The following ADRA1A variants were observed in gnomAD, a reference collection of about 807,000 sequenced individuals.
ADRA1A encodes the protein alpha-1A adrenergic receptor.
ADRA1A carries 31 observed loss-of-function variants against 29.6 expected under a neutral mutation model. That is an observed-to-expected ratio of 1.05 (90% CI 0.79 to 1.41). The LOEUF is 1.41. Ranked by LOEUF, ADRA1A falls within the 40% of genes most tolerant of loss-of-function variation. The pLI is 0.00. For missense variants in ADRA1A, 619 were observed against 601.1 expected (o/e 1.03, Z -0.31); for synonymous variants, 311 against 254.3 (o/e 1.22, Z -2.12).
intron 2 of ADRA1A, among the ~76,000 whole-genome samples, chr8:26,827,742 CT>C (rs1416041303): frequency 6.6e-6 from 1 of 152,122 alleles, no homozygotes; most frequent in Non-Finnish European, 1.5e-5. Context: ...GCGCTCTGCC[CT>C]TGTGACCTAC....
At position 26,865,228 on chromosome 8, in the gene ADRA1A, A is replaced by G. The variant is rs1813820650; in HGVS notation, c.-259T>C. 3.8e-6 allele frequency: 5 copies of G among 1,321,834 alleles called. No homozygotes were observed. In the South Asian group the frequency reaches 9.3e-5, roughly 25 times the overall value. 81.9% of individuals were successfully genotyped at this position (1,321,834 alleles called of 1,614,324 possible). On this transcript the variant is annotated 5_prime_UTR_variant, in exon 2 of 3. Transcript: ENST00000380573. The surrounding 1 kb of genome is among the most constrained non-coding windows in gnomAD (Gnocchi z 7.6). The stretch of plus-strand genomic sequence containing the variant: ...CGCGGGGCTGCCGGGGACCCTCTCC[A>G]CCTGCCGGGCTGGCCTAGCCCGGGA...
rs1808977762 is a variant in ADRA1A at position 26,806,303 on chromosome 8, T to A, written c.884-35637A>T. ...AAGCTGGGTGTTTACACCAAAGATT[T>A]TTTTTTTTTTTTCGAAAGCTGCCTT... On this transcript the variant is annotated intron_variant, in intron 2 of 2. Transcript: ENST00000380573. The surrounding 1 kb of genome is among the most constrained non-coding windows in gnomAD (Gnocchi z 4.6). Among the ~76,000 whole-genome samples, 4 of 148,344 alleles carry A rather than the reference T, an allele frequency of 2.7e-5. No individual in the cohort carries two copies. The highest frequency in any genetic ancestry group is 2.6e-4 in the Admixed American group (4 of 15,118).
At chr8:26,824,056 G>A (rs762860113) in intron 2 of ADRA1A, among the ~76,000 whole-genome samples, 1 of 152,064 alleles carries the variant, frequency 6.6e-6, no homozygotes, top group East Asian at 1.9e-4. Context: ...TGCTGTACTG[G>A]CCACTGTCTG....
At chr8:26,799,604 A>G (rs1178332142) in intron 2 of ADRA1A, among the ~76,000 whole-genome samples, 1 of 152,196 alleles carries the variant, frequency 6.6e-6, no homozygotes. Flanking sequence ...TTAAGGCTAG[A>G]GCAATGCTGA....
downstream of ADRA1A, among the ~76,000 whole-genome samples, chr8:26,760,988 C>T (rs1381279422): frequency 6.6e-6 from 1 of 152,196 alleles, no homozygotes; most frequent in African/African-American, 2.4e-5. Context: ...GATCTTATTA[C>T]TTGTTCTGCT....
chr8:26,828,351 C>T (rs1219139893), intron 2 of ADRA1A, among the ~76,000 whole-genome samples: 4 of 152,088 alleles, frequency 2.6e-5, no homozygotes, highest in Admixed American at 6.5e-5. Context: ...TCCATGGTTA[C>T]GAAAGCTTCA....
At chr8:26,789,861 T>C (rs1807688078) in intron 2 of ADRA1A, among the ~76,000 whole-genome samples, 1 of 152,066 alleles carries the variant, frequency 6.6e-6, no homozygotes, top group African/African-American at 2.4e-5. Context: ...TATATAAAAA[T>C]ATCACGAATC....
At chr8:26,795,739 A>G (rs1199946966) in intron 2 of ADRA1A, among the ~76,000 whole-genome samples, 1 of 152,182 alleles carries the variant, frequency 6.6e-6, no homozygotes, top group Non-Finnish European at 1.5e-5. Context: ...ACATCCTTCT[A>G]AGTCTAATAG....
intron 2 of ADRA1A, among the ~76,000 whole-genome samples, chr8:26,828,409 T>C (rs1255846133): frequency 6.6e-6 from 1 of 152,172 alleles, no homozygotes; most frequent in Admixed American, 6.5e-5. Flanking sequence ...GAATGCTAGC[T>C]CCCTTCCCTT....
chr8:26,804,023 G>C (rs145797841), intron 2 of ADRA1A, among the ~76,000 whole-genome samples: 6 of 141,242 alleles, frequency 4.2e-5, no homozygotes, highest in Non-Finnish European at 9.0e-5. Context: ...CTGGGCTCAA[G>C]AGATCCTTCC....
At chr8:26,795,972 T>C (rs1585706818) in intron 2 of ADRA1A, among the ~76,000 whole-genome samples, 1 of 152,246 alleles carries the variant, frequency 6.6e-6, no homozygotes, top group African/African-American at 2.4e-5. Context: ...ATAAAAAAGT[T>C]CTAAAAGTGT....
chr8:26,759,243 G>A (rs1322342392), intron 2 of ADRA1A, among the ~76,000 whole-genome samples: 1 of 152,204 alleles, frequency 6.6e-6, no homozygotes, highest in Non-Finnish European at 1.5e-5. Flanking sequence ...ACTTGTTGAA[G>A]TTTAGGTATC....
rs1808938273 is a variant in ADRA1A at position 26,805,883 on chromosome 8, G to A, written c.884-35217C>T. ...CCAAAGCCAAGTGACGTTGGCCCTT[G>A]ATAAAGACACAGCTTATCAGAGCCT... On this transcript the variant is annotated intron_variant, in intron 2 of 2. Coordinates refer to ENST00000380573, the MANE Select transcript of ADRA1A (RefSeq NM_000680.4). This position sits in a 1 kb window ranked among gnomAD's most constrained non-coding sequence, Gnocchi z 4.8. 6.6e-6 allele frequency among the ~76,000 whole-genome samples: 1 copy of A among 152,130 alleles called. No homozygotes were observed. Among genetic ancestry groups the A allele is most frequent in the Non-Finnish European group, 1.5e-5 (1 of 68,028 alleles).
chr8:26,866,837 G>A lies in ADRA1A; in HGVS notation c.-687+99C>T. The A allele has an allele frequency of 4.1e-6, 4 of 985,094 alleles. No individual in the cohort carries two copies. Among genetic ancestry groups the A allele is most frequent in the Non-Finnish European group, 4.8e-6 (4 of 829,606 alleles). The allele number at this position is 985,094 out of a possible 1,614,324, so 61.0% of individuals were successfully genotyped here. ...GTATAAAACCTGGTGGAAAAAGCGG[G>A]AGGCGCTGGGAAAAGTGGGGGTTCC... On this transcript the variant is annotated intron_variant, in intron 1 of 2. Transcript: ENST00000380573. The surrounding 1 kb of genome is among the most constrained non-coding windows in gnomAD (Gnocchi z 5.7).
intron 2 of ADRA1A, among the ~76,000 whole-genome samples, chr8:26,809,915 A>G (rs1809263848): frequency 6.6e-6 from 1 of 152,240 alleles, no homozygotes; most frequent in Admixed American, 6.5e-5. Flanking sequence ...TTTGGTCCTT[A>G]GACTTCCTAG....
intron 2 of ADRA1A, among the ~76,000 whole-genome samples, chr8:26,802,138 A>G (rs1808628216): frequency 6.6e-6 from 1 of 152,126 alleles, no homozygotes; most frequent in South Asian, 2.1e-4. Flanking sequence ...AAAACATCAG[A>G]GAAACTCTCC....
At chr8:26,857,922 A>G (rs1225657486) in intron 2 of ADRA1A, among the ~76,000 whole-genome samples, 5 of 152,270 alleles carry the variant, frequency 3.3e-5, no homozygotes, top group African/African-American at 7.2e-5. Context: ...GTTCTGCTCC[A>G]TTAGGGCAGG....
At chr8:26,847,467 C>T (rs1812296334) in intron 2 of ADRA1A, among the ~76,000 whole-genome samples, 1 of 152,088 alleles carries the variant, frequency 6.6e-6, no homozygotes, top group Admixed American at 6.6e-5. Flanking sequence ...TGACAGCAAA[C>T]TCATGAAACA....
chr8:26,796,627 T>TG lies in ADRA1A; in HGVS notation c.884-25962dup, dbSNP rs1808209410. Among the ~76,000 whole-genome samples the TG allele has an allele frequency of 6.6e-6, 1 of 151,948 alleles. No homozygotes were observed. Among genetic ancestry groups the TG allele is most frequent in the South Asian group, 2.1e-4 (1 of 4,822 alleles). On this transcript the variant is annotated intron_variant, in intron 2 of 2. Transcript: ENST00000380573. The surrounding 1 kb of genome is among the most constrained non-coding windows in gnomAD (Gnocchi z 5.0). ...ACGTGGCCGCAGAGAACAGACACCATGGGGACATATGAGACAGTGGAGTGG... is the reference window on the plus strand; with the variant it reads ...ACGTGGCCGCAGAGAACAGACACCATGGGGGACATATGAGACAGTGGAGTGG...
Sources: gnomAD v4.1 joint callset for allele counts (sites outside exome capture counted in the v4.1 genomes callset) on GRCh38, gnomAD v4.1.1 for gene constraint, Gnocchi (gnomAD v3.1) non-coding constraint, MANE v1.5 for transcripts, NCBI Gene and HGNC (gene_info 2026-07-23, HGNC 2026-07-21) for gene names.